PQBP1: variants seen among roughly 807,000 people sequenced by gnomAD.
PQBP1 encodes polyglutamine-binding protein 1.
In PQBP1, 3 loss-of-function variants were observed where a neutral mutation model predicts 20.9. The ratio of observed to expected loss-of-function variants is 0.14; its 90% CI spans 0.07 to 0.37. The LOEUF is 0.37. PQBP1 is among the 10% of genes least tolerant of loss of function. PQBP1 has a pLI of 1.00. For missense variants in PQBP1, 162 were observed against 240.3 expected (o/e 0.67, Z 2.16); for synonymous variants, 83 against 93.8 (o/e 0.88, Z 0.67).
At chrX:48,899,705 C>T (rs1320580702) in intron 2 of PQBP1, among the ~76,000 whole-genome samples, 1 of 111,916 alleles carries the variant, frequency 8.9e-6, no homozygotes, top group Non-Finnish European at 1.9e-5. Flanking sequence ...GACATAGTAT[C>T]TAATAGGAAG....
rs878853145 is a variant in PQBP1, at chrX:48,903,017, C to T, written c.731C>T (p.Pro244Leu). ...GCTGGGCCCCTCTTCCAGCAGCGGC[C>T]GTATCCATCCCCAGGGGCTGTGCTC... ...TAAGPLFQQR[P>L]YPSPGAVLRA... is the part of the protein sequence containing the mutation. The change falls in exon 7 of 7, where the codon CCG (proline) becomes CTG (leucine). Residue 244 changes from proline to leucine, a missense_variant. Transcript: ENST00000447146. 1 of 1,206,586 alleles carries T rather than the reference C, an allele frequency of 8.3e-7. No homozygotes were observed. Among genetic ancestry groups the T allele is most frequent in the Non-Finnish European group, 1.1e-6 (1 of 893,285 alleles).
Position 48,898,526 on chromosome X carries a change from C to T in PQBP1, c.17C>T (p.Ala6Val), listed in dbSNP as rs781952556. The T allele has an allele frequency of 2.5e-6, 3 of 1,208,567 alleles. No individual in the cohort carries two copies. The highest frequency in any genetic ancestry group is 1.8e-5 in the African/African-American group (1 of 56,822). The change falls in exon 2 of 7, where the codon GCG (alanine) becomes GTG (valine). Residue 6 changes from alanine (A) to valine (V), a missense_variant. Transcript: ENST00000447146. ...CTATCAGCTATGCCGCTGCCCGTTG[C>T]GCTGCAGACCCGCTTGGCCAAGAGA... MPLPV[A>V]LQTRLAKRGI...
chrX:48,902,432 G>C lies in PQBP1; in HGVS notation c.492G>C (p.Gly164=), dbSNP rs375706327. 5.8e-6 allele frequency: 7 copies of C among 1,209,059 alleles called. No homozygotes were observed. Among genetic ancestry groups the C allele is most frequent in the Non-Finnish European group, 7.8e-6 (7 of 894,396 alleles). Residue 164 remains glycine (G), a synonymous_variant, in exon 5 of 7, where the codon GGG becomes GGC. Transcript: ENST00000447146. ...ERDRERDRDR[G]YDKADREEGK... is the part of the protein sequence containing the mutation. ...ACAGGGAACGGGATCGGGACCGCGG[G>C]TATGACAAGGCAGACCGGGAAGAGG...
intron 2 of PQBP1, among the ~76,000 whole-genome samples, 171 bp downstream of exon 2, chrX:48,898,747 T>A (rs2063347415): frequency 9.9e-6 from 1 of 100,833 alleles, no homozygotes; most frequent in South Asian, 5.2e-4. Flanking sequence ...CCCTACCGCG[T>A]GTCAAGTGGA....
chrX:48,898,974 C>A (rs1317322710), intron 2 of PQBP1, among the ~76,000 whole-genome samples: 1 of 88,077 alleles, frequency 1.1e-5, no homozygotes, highest in Non-Finnish European at 2.2e-5. Context: ...CCACACCTGG[C>A]AATTTTTTTT....
Position 48,901,225 on chromosome X carries a change from G to A in PQBP1, c.103G>A (p.Asp35Asn). The A allele has an allele frequency of 8.3e-7, 1 of 1,210,205 alleles. No individual in the cohort carries two copies. Among genetic ancestry groups the A allele is most frequent in the Non-Finnish European group, 1.1e-6 (1 of 894,883 alleles). The change falls in exon 3 of 7, where the codon GAT (aspartate) becomes AAT (asparagine). Residue 35 changes from aspartate (D) to asparagine (N), a missense_variant. Physicochemically the swap from Asp to Asn is conservative, Grantham distance 23 (BLOSUM62 1). Coordinates refer to ENST00000447146, the MANE Select transcript of PQBP1 (RefSeq NM_001032382.2). ...EEEIIAEDYD[D>N]DPVDYEATRL... is the part of the protein sequence containing the mutation. ...AGAGATCATTGCCGAGGACTATGAC[G>A]ATGATCCTGTGGACTACGAGGCCAC...
chrX:48,898,440 CAGAT>C (rs2063342861), intron 1 of PQBP1, 48 bp from the exon 2 acceptor site: 1 of 1,101,851 alleles, frequency 9.1e-7, no homozygotes, highest in Non-Finnish European at 1.3e-6. Context: ...TTACGGGATC[CAGAT>C]AGGAATCTTT....
intron 2 of PQBP1, among the ~76,000 whole-genome samples, chrX:48,898,952 C>T (rs1188209368): frequency 1.0e-5 from 1 of 99,585 alleles, no homozygotes; most frequent in Admixed American, 1.1e-4. Flanking sequence ...ACTACAGGCA[C>T]GCCCCGCCCC....
chrX:48,898,218 C>T (rs1041169578), intron 1 of PQBP1, 136 bp downstream of exon 1: 94 of 971,956 alleles, frequency 9.7e-5, no homozygotes, highest in Middle Eastern at 3.5e-4. Context: ...TGCGGAGGGG[C>T]CGGGCTTCTT....
At chrX:48,902,866 G>A in intron 6 of PQBP1, 62 bp from the exon 7 acceptor site, 3 of 1,184,188 alleles carry the variant, frequency 2.5e-6, no homozygotes, top group Non-Finnish European at 3.4e-6. Context: ...TTCCTCATTG[G>A]GACCAGGTGG....
rs782260801 is a variant in PQBP1, at chrX:48,898,522, G to A, written c.13G>A (p.Val5Ile). The stretch of plus-strand genomic sequence containing the variant: ...TCTGCTATCAGCTATGCCGCTGCCC[G>A]TTGCGCTGCAGACCCGCTTGGCCAA... MPLP[V>I]ALQTRLAKRG... The change falls in exon 2 of 7, where the codon GTT becomes ATT. Residue 5 changes from valine to isoleucine, a missense_variant. Val to Ile is a conservative substitution (Grantham distance 29). Coordinates refer to ENST00000447146, the MANE Select transcript of PQBP1 (RefSeq NM_001032382.2). The A allele has an allele frequency of 8.3e-7, 1 of 1,210,998 alleles. No individual in the cohort carries two copies. Among genetic ancestry groups the A allele is most frequent in the Non-Finnish European group, 1.1e-6 (1 of 895,172 alleles).
intron 1 of PQBP1, 143 bp from the exon 2 acceptor site, chrX:48,898,349 G>A (rs2063341159): frequency 4.8e-6 from 3 of 621,626 alleles, no homozygotes; most frequent in Admixed American, 5.3e-5. Flanking sequence ...ATCTTTTAGT[G>A]CGTATGTTCT....
At chrX:48,901,615 A>G (rs1557041159) in intron 3 of PQBP1, 1 of 475,688 alleles carries the variant, frequency 2.1e-6, no homozygotes, top group African/African-American at 2.4e-5. Flanking sequence ...GGTAGCTGGG[A>G]TTACAGGTGC....
chrX:48,902,144 G>A, intron 4 of PQBP1, 89 bp from the exon 5 acceptor site: 2 of 1,208,010 alleles, frequency 1.7e-6, no homozygotes, highest in Non-Finnish European at 1.1e-6. Context: ...AGACCAGGCG[G>A]GCCCAGCCTC....
chrX:48,901,730 C>T (rs1163733976), intron 3 of PQBP1, 200 bp from the exon 4 acceptor site: 13 of 713,018 alleles, frequency 1.8e-5, no homozygotes, highest in East Asian at 3.9e-5. Context: ...CCGCCTGCCT[C>T]GGCCTCCCAA....
At chrX:48,902,587 C>G in intron 5 of PQBP1, 70 bp downstream of exon 5, 2 of 1,172,796 alleles carry the variant, frequency 1.7e-6, no homozygotes, top group Non-Finnish European at 2.3e-6. Flanking sequence ...GAAGCCTTCC[C>G]TCAAAAAGAT....
chrX:48,900,183 G>C (rs927278701), intron 2 of PQBP1, among the ~76,000 whole-genome samples: 2 of 107,551 alleles, frequency 1.9e-5, no homozygotes, highest in Non-Finnish European at 3.9e-5. Context: ...CCCGGAAGGC[G>C]GAGCTTGCAG....
Position 48,903,062 on chromosome X carries a change from C to T in PQBP1, c.776C>T (p.Ser259Phe), listed in dbSNP as rs782395941. 2.5e-6 allele frequency: 3 copies of T among 1,206,498 alleles called. No homozygotes were observed. The highest frequency in any genetic ancestry group is 3.5e-5 in the African/African-American group (2 of 57,082). Reference sequence around the variant, plus strand: ...GTGCTCCGGGCCAATGCAGAGGCCTCCCGAACCAAGCAGCAGGATTGAAGC... The same window carrying T: ...GTGCTCCGGGCCAATGCAGAGGCCTTCCGAACCAAGCAGCAGGATTGAAGC... ...GAVLRANAEA[S>F]RTKQQD is the part of the protein sequence containing the mutation. Residue 259 changes from serine (S) to phenylalanine (F), a missense_variant, in exon 7 of 7, where the codon TCC becomes TTC. By Grantham distance (155) the Ser-to-Phe change is radical. Coordinates refer to ENST00000447146, the MANE Select transcript of PQBP1 (RefSeq NM_001032382.2).
chrX:48,898,258 A>T, intron 1 of PQBP1, 176 bp downstream of exon 1: 1 of 789,533 alleles, frequency 1.3e-6, no homozygotes, highest in Non-Finnish European at 1.9e-6. Flanking sequence ...GGCCTGGGAG[A>T]GGAACAGGGC....
Sources: allele counts gnomAD v4.1 joint callset (sites outside exome capture counted in the v4.1 genomes callset), GRCh38; gene constraint gnomAD v4.1.1; transcripts MANE v1.5; gene names NCBI Gene and HGNC (gene_info 2026-07-23, HGNC 2026-07-21).